Variants in ZNF383 observed in about 807,000 individuals in gnomAD.
ZNF383 encodes the protein zinc finger protein 383.
A neutral mutation model predicts 44.2 loss-of-function variants in ZNF383; 32 were observed. The ratio of observed to expected loss-of-function variants is 0.72; its 90% CI spans 0.55 to 0.97. The LOEUF is 0.97. Ranked by LOEUF, ZNF383 falls within the 50% of genes least tolerant of loss-of-function variation. ZNF383 has a pLI of 0.00. For synonymous variants in ZNF383, 155 were observed against 186.2 expected, an observed-to-expected ratio of 0.83 and a Z score of 1.36; for missense variants, 487 against 562.5, an observed-to-expected ratio of 0.87 and a Z score of 1.36.
chr19:37,242,409 T>C, intron 5 of ZNF383, 60 bp from the exon 6 acceptor site: 2 of 1,174,622 alleles, frequency 1.7e-6, no homozygotes, highest in South Asian at 3.0e-5. Flanking sequence ...ATTTCTATTA[T>C]AAAAGTTTAA....
chr19:37,235,473 A>T (rs982955153), intron 3 of ZNF383, 76 bp from the exon 4 acceptor site: 4 of 1,466,192 alleles, frequency 2.7e-6, no homozygotes, highest in Middle Eastern at 1.7e-4. Context: ...ATTTTGTATT[A>T]CCCCACAATA....
chr19:37,224,227 A>C (rs1246614820), intron 1 of ZNF383, among the ~76,000 whole-genome samples: 1 of 152,192 alleles, frequency 6.6e-6, no homozygotes, highest in Non-Finnish European at 1.5e-5. Context: ...TTTGCTGTAC[A>C]TAACGAACAT....
At chr19:37,237,627 G>A (rs1211605764) in intron 5 of ZNF383, among the ~76,000 whole-genome samples, 2 of 152,130 alleles carry the variant, frequency 1.3e-5, no homozygotes. Flanking sequence ...CTCACATCGA[G>A]TAATTTATAA....
chr19:37,230,560 A>G, intron 3 of ZNF383, 98 bp downstream of exon 3: 1 of 1,365,296 alleles, frequency 7.3e-7, no homozygotes, highest in Admixed American at 1.9e-5. Context: ...TCTGGCTAAC[A>G]GAGTTCCCCT....
At chr19:37,235,128 C>G (rs893053976) in intron 3 of ZNF383, among the ~76,000 whole-genome samples, 1 of 152,024 alleles carries the variant, frequency 6.6e-6, no homozygotes, top group Non-Finnish European at 1.5e-5. Context: ...CAAAAATTAG[C>G]TAGGTGTGGT....
chr19:37,220,462 C>G (rs964143963), intron 1 of ZNF383, among the ~76,000 whole-genome samples: 2 of 151,924 alleles, frequency 1.3e-5, no homozygotes, highest in African/African-American at 4.8e-5. Context: ...TGGAGTTTCA[C>G]TATGTTGGCC....
At chr19:37,222,773 A>G (rs1302687641) in intron 1 of ZNF383, among the ~76,000 whole-genome samples, 1 of 152,272 alleles carries the variant, frequency 6.6e-6, no homozygotes, top group East Asian at 1.9e-4. Flanking sequence ...ACATTCTTTT[A>G]CATGTCTTTT....
Position 37,235,959 on chromosome 19 carries a change from A to G in ZNF383, c.137-20A>G. Reference sequence around the variant, plus strand: ...TTTACCCCCAGCATAACCATGTTCCATATCTTTTCTCGTGAGCAGGACTTT... The same window carrying G: ...TTTACCCCCAGCATAACCATGTTCCGTATCTTTTCTCGTGAGCAGGACTTT... On this transcript the variant is annotated intron_variant, in intron 4 of 5. Transcript: ENST00000684119. The G allele has an allele frequency of 6.2e-7, 1 of 1,600,564 alleles. No individual in the cohort carries two copies. Among genetic ancestry groups the G allele is most frequent in the South Asian group, 1.1e-5 (1 of 89,786 alleles).
chr19:37,230,586 C>A (rs1033787828), intron 3 of ZNF383, 124 bp downstream of exon 3: 2 of 1,054,356 alleles, frequency 1.9e-6, no homozygotes, highest in African/African-American at 1.6e-5. Flanking sequence ...ATCCTTGTCC[C>A]CATTTTTTCT....
In ZNF383 at chr19:37,243,904, C is replaced by T. The variant is rs181103611; in HGVS notation, c.*240C>T. The T allele has an allele frequency of 5.8e-4, 217 of 377,342 alleles. No homozygotes were observed. The highest frequency in any genetic ancestry group is 9.1e-4 in the Non-Finnish European group (194 of 212,222). The allele number at this position is 377,342 out of a possible 1,614,324, so 23.4% of individuals were successfully genotyped here. A position where few individuals can be genotyped will look rare whatever the true frequency, so the allele number is the denominator to read the frequency against. ...GTTTTGTTCTACTTTCTTGGTGACA[C>T]ATTATACTCATGTTTATATTTGCTT... On this transcript the variant is annotated 3_prime_UTR_variant, in exon 6 of 6. Transcript: ENST00000684119.
At chr19:37,239,691 G>T (rs1973983799) in intron 5 of ZNF383, among the ~76,000 whole-genome samples, 1 of 152,154 alleles carries the variant, frequency 6.6e-6, no homozygotes, top group Non-Finnish European at 1.5e-5. Flanking sequence ...TAAGCCAAAT[G>T]ATACTATTCC....
At chr19:37,236,573 A>AT (rs1396588671) in intron 5 of ZNF383, among the ~76,000 whole-genome samples, 4,564 of 134,502 alleles carry the variant, frequency 0.034, 260 homozygotes, top group African/African-American at 0.11. Context: ...CTTCTTCTGC[A>AT]TTTTTTTTTT....
Position 37,243,272 on chromosome 19 carries a change from G to A in ZNF383, c.1036G>A (p.Ala346Thr), listed in dbSNP as rs371025058. The change falls in exon 6 of 6, where the codon GCC becomes ACC. Residue 346 changes from alanine (A) to threonine (T), a missense_variant. Transcript: ENST00000684119. Reference sequence around the variant, plus strand: ...CTATGAGTGCAAGGAATGTGGCAAAGCCTTTAGTAGTGGCTCAGCACTTAC... The same window carrying A: ...CTATGAGTGCAAGGAATGTGGCAAAACCTTTAGTAGTGGCTCAGCACTTAC... Reference protein sequence around the residue: ...KPYECKECGKAFSSGSALTNH... With the variant: ...KPYECKECGKTFSSGSALTNH... 2 of 1,613,988 alleles carry A rather than the reference G, an allele frequency of 1.2e-6. No individual in the cohort carries two copies. Among genetic ancestry groups the A allele is most frequent in the African/African-American group, 2.7e-5 (2 of 74,908 alleles).
rs1029269867 is a variant in ZNF383 at position 37,245,739 on chromosome 19, C to T, written c.*2075C>T. 5 of 151,774 alleles carry T rather than the reference C, an allele frequency of 3.3e-5. No homozygotes were observed. The highest frequency in any genetic ancestry group is 4.2e-4 in the South Asian group (2 of 4,814). 9.4% of individuals were successfully genotyped at this position (151,774 alleles called of 1,614,324 possible). A position where few individuals can be genotyped will look rare whatever the true frequency, so the allele number is the denominator to read the frequency against. On this transcript the variant is annotated 3_prime_UTR_variant, in exon 6 of 6. Transcript: ENST00000684119. ...CCACCCACCTCGGCCTCCCAAAGTT[C>T]GGGGATTACAGGTGTGAGCCACTGT... is the stretch of plus-strand genomic sequence containing the variant.
chr19:37,235,888 C>A, intron 4 of ZNF383, 91 bp from the exon 5 acceptor site: 1 of 1,273,454 alleles, frequency 7.9e-7, no homozygotes, highest in South Asian at 1.5e-5. Context: ...TTTGGCTGTT[C>A]CTGTAGTGGC....
chr19:37,239,357 G>A (rs1032599385), intron 5 of ZNF383, among the ~76,000 whole-genome samples: 10 of 152,122 alleles, frequency 6.6e-5, no homozygotes, highest in Non-Finnish European at 1.3e-4. Flanking sequence ...TCACAGATAC[G>A]TTCATATTAT....
rs1332792108 is a variant in ZNF383, at chr19:37,245,240, A to T, written c.*1576A>T. 6.6e-6 allele frequency: 1 copy of T among 152,024 alleles called. No individual in the cohort carries two copies. The highest frequency in any genetic ancestry group is 1.5e-5 in the Non-Finnish European group (1 of 68,026). 9.4% of individuals were successfully genotyped at this position (152,024 alleles called of 1,614,324 possible). A position where few individuals can be genotyped will look rare whatever the true frequency, so the allele number is the denominator to read the frequency against. On this transcript the variant is annotated 3_prime_UTR_variant, in exon 6 of 6. Transcript: ENST00000684119. The stretch of plus-strand genomic sequence containing the variant: ...CAGTGAGCTGAGATGGTGCCACTGC[A>T]CTCCAGCCTGGGGGACAGAGTGAGA...
intron 1 of ZNF383, among the ~76,000 whole-genome samples, chr19:37,221,569 A>G (rs1972917186): frequency 6.6e-6 from 1 of 152,122 alleles, no homozygotes; most frequent in South Asian, 2.1e-4. Context: ...GCAACAGGGC[A>G]AGACCCTGTC....
chr19:37,242,320 A>C, intron 5 of ZNF383, 149 bp from the exon 6 acceptor site: 1 of 527,618 alleles, frequency 1.9e-6, no homozygotes, highest in Non-Finnish European at 3.3e-6. Flanking sequence ...TTTCTTGTCC[A>C]TTTTTTCAGA....
Sources: gnomAD v4.1 joint callset for allele counts (sites outside exome capture counted in the v4.1 genomes callset) on GRCh38, gnomAD v4.1.1 for gene constraint, MANE v1.5 for transcripts, NCBI Gene and HGNC (gene_info 2026-07-23, HGNC 2026-07-21) for gene names.